ANAPC4: variants seen among roughly 807,000 people sequenced by gnomAD.
ANAPC4 encodes the protein anaphase-promoting complex subunit 4.
Under a neutral mutation model 119.8 loss-of-function variants are expected in ANAPC4, and 63 were observed. That is an observed-to-expected ratio of 0.53 (90% CI 0.43 to 0.65). The LOEUF is 0.65. ANAPC4 is among the 30% of genes least tolerant of loss of function. ANAPC4 has a pLI of 0.00. For missense variants in ANAPC4, 716 were observed against 945.1 expected (o/e 0.76, Z 3.18); for synonymous variants, 283 against 318.6 (o/e 0.89, Z 1.19).
intron 4 of ANAPC4, among the ~76,000 whole-genome samples, chr4:25,386,379 A>C (rs546774345): frequency 4.0e-5 from 6 of 151,762 alleles, no homozygotes; most frequent in Non-Finnish European, 8.8e-5. Context: ...TGCCCAGCTA[A>C]TTTTTATATT....
chr4:25,400,574 G>A (rs1722912082), intron 16 of ANAPC4, among the ~76,000 whole-genome samples: 1 of 152,206 alleles, frequency 6.6e-6, no homozygotes, highest in Admixed American at 6.5e-5. Context: ...GAACAGGAGG[G>A]CTCTGGGAGT....
Position 25,406,899 on chromosome 4 carries a change from A to G in ANAPC4, c.1374+14A>G, listed in dbSNP as rs755914000. 2 of 1,564,164 alleles carry G rather than the reference A, an allele frequency of 1.3e-6. No individual in the cohort carries two copies. Among genetic ancestry groups the G allele is most frequent in the Non-Finnish European group, 8.7e-7 (1 of 1,149,390 alleles). The stretch of plus-strand genomic sequence containing the variant: ...CATTTCAATGAGGTAAGAAGTTGAT[A>G]TTTCTGTAATGCAGTTTAAAAAAAA... On this transcript the variant is annotated intron_variant, in intron 19 of 28. Transcript: ENST00000315368.
intron 25 of ANAPC4, 37 bp downstream of exon 25, chr4:25,414,737 G>T (rs1215425597): frequency 7.0e-7 from 1 of 1,432,712 alleles, no homozygotes; most frequent in Non-Finnish European, 9.3e-7. Context: ...AAAGAGATAA[G>T]ATTTTATTAT....
intron 4 of ANAPC4, among the ~76,000 whole-genome samples, chr4:25,387,840 C>T (rs984521304): frequency 2.0e-5 from 3 of 152,086 alleles, no homozygotes; most frequent in Admixed American, 6.5e-5. Flanking sequence ...GAACCAATAA[C>T]TAAATCACAT....
chr4:25,407,350 C>T (rs1417286669), intron 20 of ANAPC4, 97 bp downstream of exon 20: 1 of 855,874 alleles, frequency 1.2e-6, no homozygotes, highest in African/African-American at 1.8e-5. Context: ...TACAGGATCT[C>T]TGCCCTTTTA....
At chr4:25,382,595 GATA>G (rs35074601) in intron 3 of ANAPC4, among the ~76,000 whole-genome samples, 13,680 of 152,120 alleles carry the variant, frequency 0.09, 1,044 homozygotes, top group African/African-American at 0.2. Context: ...TTTTTTGTTA[GATA>G]ATGATCATTT....
intron 16 of ANAPC4, among the ~76,000 whole-genome samples, chr4:25,400,972 C>T (rs1018304379): frequency 2.6e-5 from 4 of 152,136 alleles, no homozygotes; most frequent in South Asian, 2.1e-4. Flanking sequence ...TGTCTAAGGT[C>T]GGGTTGGAGG....
At chr4:25,383,151 G>T in intron 3 of ANAPC4, 110 bp from the exon 4 acceptor site, 1 of 1,009,094 alleles carries the variant, frequency 9.9e-7, no homozygotes. Flanking sequence ...GTCAAAAATT[G>T]CCATGATGAA....
At chr4:25,377,610 A>T in intron 2 of ANAPC4, 54 bp downstream of exon 2, 1 of 1,506,738 alleles carries the variant, frequency 6.6e-7, no homozygotes, top group East Asian at 2.5e-5. Flanking sequence ...GGGGGGCCCA[A>T]GAACACCGAG....
chr4:25,409,646 A>T, intron 20 of ANAPC4, 52 bp from the exon 21 acceptor site: 1 of 1,384,382 alleles, frequency 7.2e-7, no homozygotes, highest in Admixed American at 2.0e-5. Flanking sequence ...TTCTTTTTCC[A>T]TTTTCCCTTC....
At chr4:25,392,462 G>A (rs749066990) in intron 10 of ANAPC4, 41 bp downstream of exon 10, 13 of 1,496,336 alleles carry the variant, frequency 8.7e-6, no homozygotes, top group South Asian at 4.7e-5. Context: ...ATTTATTATC[G>A]GCTTCTAAAG....
intron 27 of ANAPC4, 106 bp from the exon 28 acceptor site, chr4:25,417,510 T>A: frequency 4.5e-6 from 5 of 1,107,040 alleles, no homozygotes; most frequent in Non-Finnish European, 6.1e-6. Flanking sequence ...GAAATAGAAG[T>A]ATGAGTAGAA....
In ANAPC4 at chr4:25,388,552, A is replaced by G; in HGVS notation, c.421A>G (p.Lys141Glu). 6.2e-7 allele frequency: 1 copy of G among 1,606,010 alleles called. No individual in the cohort carries two copies. Residue 141 changes from lysine (K) to glutamate (E), a missense_variant, in exon 5 of 29, where the codon AAA becomes GAA. Physicochemically the swap from Lys to Glu is moderately conservative, Grantham distance 56 (BLOSUM62 1). Coordinates refer to ENST00000315368, the MANE Select transcript of ANAPC4 (RefSeq NM_013367.3). ...GGATGAATCAAATCTTCTCTTACCT[A>G]AACTACCTACACTGCCAAAAAAGTA... The part of the protein sequence containing the change: ...AEDESNLLLP[K>E]LPTLPKNYSN...
At chr4:25,383,062 A>G (rs1425068081) in intron 3 of ANAPC4, among the ~76,000 whole-genome samples, 199 bp from the exon 4 acceptor site, 1 of 152,224 alleles carries the variant, frequency 6.6e-6, no homozygotes, top group Non-Finnish European at 1.5e-5. Flanking sequence ...TGAGCACTTG[A>G]AAATAAGCTT....
In ANAPC4 at chr4:25,405,635, G is replaced by A; in HGVS notation, c.1317+16G>A. On this transcript the variant is annotated intron_variant, in intron 18 of 28. Coordinates refer to ENST00000315368, the MANE Select transcript of ANAPC4 (RefSeq NM_013367.3). This position sits in a 1 kb window ranked among gnomAD's most constrained non-coding sequence, Gnocchi z 4.6. ...GCTGAATAAGGTAGTATGTACTAGTGCATTTTCACAGTGTTCACATTGTCC... is the reference window on the plus strand; with the variant it reads ...GCTGAATAAGGTAGTATGTACTAGTACATTTTCACAGTGTTCACATTGTCC... 1.2e-6 allele frequency: 2 copies of A among 1,612,356 alleles called. No individual in the cohort carries two copies. The highest frequency in any genetic ancestry group is 1.7e-6 in the Non-Finnish European group (2 of 1,178,712).
chr4:25,380,429 A>G lies in ANAPC4; in HGVS notation c.185A>G (p.Glu62Gly), dbSNP rs1721649628. ...FHRVWSFPPNENTGKEVTCLA... is the reference protein window; with the variant it reads ...FHRVWSFPPNGNTGKEVTCLA... ...CGAGTTTGGAGTTTTCCACCAAATG[A>G]AAATACAGGAAAGGAGGTGACGTGT... is the stretch of plus-strand genomic sequence containing the variant. Residue 62 changes from glutamate (E) to glycine (G), a missense_variant, in exon 3 of 29, where the codon GAA (glutamate) becomes GGA (glycine). Transcript: ENST00000315368. 6.2e-7 allele frequency: 1 copy of G among 1,613,608 alleles called. No individual in the cohort carries two copies. Among genetic ancestry groups the G allele is most frequent in the Non-Finnish European group, 8.5e-7 (1 of 1,179,700 alleles).
intron 16 of ANAPC4, among the ~76,000 whole-genome samples, chr4:25,402,296 G>T (rs888890783): frequency 2.0e-5 from 3 of 152,168 alleles, no homozygotes; most frequent in Non-Finnish European, 4.4e-5. Flanking sequence ...AAAAGCACAG[G>T]TTTTTGCCTA....
At chr4:25,388,350 TA>T in intron 4 of ANAPC4, 149 bp from the exon 5 acceptor site, 1 of 540,624 alleles carries the variant, frequency 1.8e-6, no homozygotes, top group South Asian at 3.2e-5. Flanking sequence ...TTGGGACTGT[TA>T]AACTGACTAC....
intron 2 of ANAPC4, 113 bp downstream of exon 2, chr4:25,377,669 C>G: frequency 6.9e-7 from 1 of 1,450,096 alleles, no homozygotes. Flanking sequence ...TCAGTTTCCC[C>G]TTCTGCAGAC....
Sources: gnomAD v4.1 joint callset for allele counts (sites outside exome capture counted in the v4.1 genomes callset) on GRCh38, gnomAD v4.1.1 for gene constraint, Gnocchi (gnomAD v3.1) non-coding constraint, MANE v1.5 for transcripts, NCBI Gene and HGNC (gene_info 2026-07-23, HGNC 2026-07-21) for gene names.